Variants in SETD2 observed in about 807,000 individuals in gnomAD.
The protein encoded by SETD2 is SET domain containing 2, histone lysine methyltransferase.
Under a neutral mutation model 242.1 loss-of-function variants are expected in SETD2, and 31 were observed. The ratio of observed to expected loss-of-function variants is 0.13; its 90% CI spans 0.10 to 0.17. The LOEUF (loss-of-function observed/expected upper bound fraction) is 0.17, where lower values mean the gene tolerates loss of function less well. Ranked by LOEUF, SETD2 falls within the 10% of genes least tolerant of loss-of-function variation. The probability of loss-of-function intolerance (pLI) is 1.00; values close to 1 mark genes in which losing one functional copy is unlikely to be tolerated. For synonymous variants in SETD2, 1,006 were observed against 1,066.5 expected (o/e 0.94, Z 1.11); for missense variants, 2,481 against 3,046.3 (o/e 0.81, Z 4.37).
intron 1 of SETD2, among the ~76,000 whole-genome samples, chr3:47,161,552 C>T (rs1697488975): frequency 6.6e-6 from 1 of 152,062 alleles, no homozygotes; most frequent in South Asian, 2.1e-4. Flanking sequence ...ACCATGATCC[C>T]CTCCAGTCTT....
chr3:47,053,587 C>T (rs2039940037), intron 15 of SETD2, among the ~76,000 whole-genome samples: 1 of 151,994 alleles, frequency 6.6e-6, no homozygotes, highest in South Asian at 2.1e-4. Context: ...CACATTTGCT[C>T]CAAATATTAA....
Position 47,084,090 on chromosome 3 carries a change from G to A in SETD2, c.5690C>T (p.Thr1897Ile), listed in dbSNP as rs1438888811. ...NSMDSAISDA[T>I]SELEGKDGKE... ...GCCATCCTTGCCTTCTAGCTCACTGGTTGCATCAGAGATTGCACTGTCCAT... is the reference window on the plus strand; with the variant it reads ...GCCATCCTTGCCTTCTAGCTCACTGATTGCATCAGAGATTGCACTGTCCAT... The change falls in exon 12 of 21, where the codon ACC (threonine) becomes ATC (isoleucine). Residue 1897 changes from threonine (T) to isoleucine (I), a missense_variant. Thr to Ile is a moderately conservative substitution (Grantham distance 89). Around this residue, in one of 17 missense-constraint regions of SETD2, gnomAD observed 203 missense variants for 222.4 expected, o/e 0.91. Transcript: ENST00000409792. 1.9e-6 allele frequency: 3 copies of A among 1,613,934 alleles called. No homozygotes were observed. The highest frequency in any genetic ancestry group is 1.7e-6 in the Non-Finnish European group (2 of 1,180,022).
intron 12 of SETD2, among the ~76,000 whole-genome samples, chr3:47,071,287 T>C (rs1181624054): frequency 2.6e-5 from 4 of 152,208 alleles, no homozygotes; most frequent in Non-Finnish European, 5.9e-5. Flanking sequence ...ACACAATTCA[T>C]ACACACTCAA....
chr3:47,164,316 G>A (rs1161660210), upstream of SETD2, among the ~76,000 whole-genome samples: 1 of 152,042 alleles, frequency 6.6e-6, no homozygotes, highest in Non-Finnish European at 1.5e-5. The surrounding 1 kb of genome is among the most constrained non-coding windows in gnomAD (Gnocchi z 5.4). Context: ...TGGCTCTCCG[G>A]AACAATAAAC....
chr3:47,094,054 T>C (rs1474792413), intron 9 of SETD2, among the ~76,000 whole-genome samples: 1 of 152,226 alleles, frequency 6.6e-6, no homozygotes, highest in Non-Finnish European at 1.5e-5. Flanking sequence ...GTAGTATTCA[T>C]TTGTTATGAG....
chr3:47,099,063 G>A (rs964920285), intron 8 of SETD2, among the ~76,000 whole-genome samples: 1 of 152,050 alleles, frequency 6.6e-6, no homozygotes, highest in Non-Finnish European at 1.5e-5. Context: ...CAACCATCTG[G>A]CATTTGTCCT....
intron 15 of SETD2, among the ~76,000 whole-genome samples, chr3:47,056,126 ATTTATTTAT>A (rs2040071813): frequency 9.8e-6 from 1 of 101,986 alleles, no homozygotes; most frequent in East Asian, 2.5e-4. Context: ...TTATTTATTT[ATTTATTTAT>A]TTATTTTGAG....
intron 1 of SETD2, among the ~76,000 whole-genome samples, chr3:47,147,417 G>A (rs1575845462): frequency 6.7e-6 from 1 of 149,038 alleles, no homozygotes; most frequent in African/African-American, 2.5e-5. Flanking sequence ...CTGCCTCCTC[G>A]GTTCGAACGA....
chr3:47,053,108 G>A (rs900639495), intron 15 of SETD2, among the ~76,000 whole-genome samples: 3 of 151,746 alleles, frequency 2.0e-5, no homozygotes, highest in East Asian at 2.0e-4. Flanking sequence ...GACTGGTCTC[G>A]AACTCCTGAC....
At chr3:47,115,036 G>A (rs1295995606) in intron 4 of SETD2, among the ~76,000 whole-genome samples, 1 of 152,028 alleles carries the variant, frequency 6.6e-6, no homozygotes, top group Non-Finnish European at 1.5e-5. Context: ...CTTTCAGGAG[G>A]GAAGAGAATT....
chr3:47,080,753 A>AGTGGCAGTG (rs1450940412), intron 12 of SETD2: 36 of 963,206 alleles, frequency 3.7e-5, no homozygotes, highest in Non-Finnish European at 3.8e-5. Flanking sequence ...AGCCTTGTGG[A>AGTGGCAGTG]GTCAAGGCAG....
intron 16 of SETD2, among the ~76,000 whole-genome samples, chr3:47,043,874 TAATA>T (rs2039395883): frequency 6.6e-6 from 1 of 152,168 alleles, no homozygotes; most frequent in Non-Finnish European, 1.5e-5. Context: ...ATTTATCTCT[TAATA>T]GTTTAAGGCA....
intron 15 of SETD2, among the ~76,000 whole-genome samples, chr3:47,050,297 A>G (rs926990658): frequency 6.6e-6 from 1 of 152,266 alleles, no homozygotes; most frequent in South Asian, 2.1e-4. Flanking sequence ...ACAAAAACTA[A>G]GATATAAACA....
chr3:47,125,618 C>T (rs2106737299), intron 2 of SETD2, among the ~76,000 whole-genome samples: 1 of 152,320 alleles, frequency 6.6e-6, no homozygotes, highest in East Asian at 1.9e-4. Context: ...CTGGAGAGTA[C>T]TCTGCCTTGG....
chr3:47,157,845 C>T (rs1186303252), intron 1 of SETD2, among the ~76,000 whole-genome samples: 1 of 151,424 alleles, frequency 6.6e-6, no homozygotes, highest in Non-Finnish European at 1.5e-5. Flanking sequence ...TGTACCCCAG[C>T]CTGGGCAACA....
intron 15 of SETD2, among the ~76,000 whole-genome samples, chr3:47,054,875 A>G (rs2039989411): frequency 6.6e-6 from 1 of 152,200 alleles, no homozygotes. Flanking sequence ...ATGTATATGT[A>G]TATGTACACA....
intron 15 of SETD2, 122 bp from the exon 16 acceptor site, chr3:47,046,743 T>A: frequency 1.2e-6 from 1 of 819,016 alleles, no homozygotes. Context: ...TTTGTTTATA[T>A]ATTTGGACAT....
At chr3:47,078,893 G>A (rs1485377281) in intron 12 of SETD2, among the ~76,000 whole-genome samples, 1 of 151,870 alleles carries the variant, frequency 6.6e-6, no homozygotes, top group South Asian at 2.1e-4. Context: ...ACCATGCCTC[G>A]CTAATTTTTT....
At chr3:47,021,470 G>T (rs980204302) in intron 18 of SETD2, among the ~76,000 whole-genome samples, 1 of 152,138 alleles carries the variant, frequency 6.6e-6, no homozygotes, top group Non-Finnish European at 1.5e-5. Context: ...ACTTGATGAG[G>T]TTGGCGGGGG....
Sources: allele counts gnomAD v4.1 joint callset (sites outside exome capture counted in the v4.1 genomes callset), GRCh38; gene constraint gnomAD v4.1.1; regional missense constraint gnomAD v4.1.1; non-coding constraint Gnocchi (gnomAD v3.1); transcripts MANE v1.5; gene names NCBI Gene and HGNC (gene_info 2026-07-23, HGNC 2026-07-21).